The following OSBPL10 variants were observed in gnomAD, a reference collection of about 807,000 sequenced individuals.
The protein encoded by OSBPL10 is oxysterol binding protein like 10, also known as oxysterol-binding protein-related protein 10.
Under a neutral mutation model 81.7 loss-of-function variants are expected in OSBPL10, and 49 were observed. The observed-to-expected ratio is 0.60, with a 90% CI of 0.48 to 0.76. The LOEUF (loss-of-function observed/expected upper bound fraction) is 0.76. Among genes scored for constraint, OSBPL10 ranks in the 30% least tolerant of loss-of-function variants. The probability of loss-of-function intolerance (pLI) is 0.00; values close to 1 mark genes in which losing one functional copy is unlikely to be tolerated. For synonymous variants in OSBPL10, 419 were observed against 383.6 expected (o/e 1.09, Z -1.08); for missense variants, 923 against 987.8 (o/e 0.93, Z 0.88).
At chr3:31,895,731 G>T (rs1281764528) in intron 1 of OSBPL10, among the ~76,000 whole-genome samples, 3 of 152,136 alleles carry the variant, frequency 2.0e-5, no homozygotes, top group African/African-American at 7.2e-5. Context: ...AGTAACTGAG[G>T]ATACACTGGT....
intron 1 of OSBPL10, among the ~76,000 whole-genome samples, chr3:31,978,416 A>C (rs1304738026): frequency 6.6e-6 from 1 of 152,232 alleles, no homozygotes; most frequent in Non-Finnish European, 1.5e-5. Flanking sequence ...CTGTGAATAG[A>C]TAATTGAACA....
At chr3:31,770,534 C>T (rs1444650917) in intron 4 of OSBPL10, among the ~76,000 whole-genome samples, 1 of 152,168 alleles carries the variant, frequency 6.6e-6, no homozygotes, top group Non-Finnish European at 1.5e-5. Flanking sequence ...CGCCTATAAT[C>T]TCAACACTTT....
At chr3:32,041,820 G>A (rs940073155) in intron 2 of OSBPL10, among the ~76,000 whole-genome samples, 9 of 152,080 alleles carry the variant, frequency 5.9e-5, no homozygotes, top group African/African-American at 1.9e-4. Flanking sequence ...ACCACACCCA[G>A]CTAATTTTTT....
intron 3 of OSBPL10, among the ~76,000 whole-genome samples, chr3:31,854,781 G>A (rs963232408): frequency 3.3e-5 from 5 of 152,086 alleles, no homozygotes; most frequent in Non-Finnish European, 7.3e-5. Flanking sequence ...ATTATTATAC[G>A]AATAAATGAA....
At chr3:31,989,730 C>T (rs1321234540) in intron 2 of OSBPL10, 23 of 1,613,962 alleles carry the variant, frequency 1.4e-5, no homozygotes, top group Non-Finnish European at 1.9e-5. Flanking sequence ...CATCATTACT[C>T]ACACTAAAAC....
chr3:31,706,732 A>C (rs1227707514), intron 6 of OSBPL10, among the ~76,000 whole-genome samples: 1 of 152,260 alleles, frequency 6.6e-6, no homozygotes, highest in Non-Finnish European at 1.5e-5. Context: ...TGCAGATTTC[A>C]AGCATGACTG....
chr3:31,894,875 G>C (rs936540248), intron 1 of OSBPL10, among the ~76,000 whole-genome samples: 1 of 152,178 alleles, frequency 6.6e-6, no homozygotes, highest in African/African-American at 2.4e-5. Context: ...CTTTCACTTA[G>C]ATGTGATCAA....
Position 32,067,529 on chromosome 3 carries a change from G to A in OSBPL10, n.185+9867C>T, listed in dbSNP as rs186700444. ...CCTGTGACCTGCACATATACATCCA[G>A]ATGGCCTGAAGCAACTGAAGATCCA... On this transcript the variant is annotated intron_variant and non_coding_transcript_variant, in intron 1 of 3. Transcript: ENST00000479173. Among the ~76,000 whole-genome samples the A allele has an allele frequency of 1.2e-4, 19 of 152,296 alleles. No homozygotes were observed. In the East Asian group the frequency reaches 3.7e-3, roughly 29 times the overall value.
chr3:32,018,107 C>A (rs944877838), intron 2 of OSBPL10, among the ~76,000 whole-genome samples: 1 of 151,638 alleles, frequency 6.6e-6, no homozygotes, highest in East Asian at 1.9e-4. Flanking sequence ...CAGATGGTGC[C>A]ATTGCACTCC....
chr3:31,953,948 T>G (rs943375750), intron 1 of OSBPL10, among the ~76,000 whole-genome samples: 3 of 152,162 alleles, frequency 2.0e-5, no homozygotes, highest in African/African-American at 7.2e-5. Flanking sequence ...GTTCAGCAGC[T>G]TCAGTGCTGT....
Position 31,951,994 on chromosome 3 carries a change from T to G in OSBPL10, c.281+28905A>C, listed in dbSNP as rs1451912687. On this transcript the variant is annotated intron_variant, in intron 1 of 11. Transcript: ENST00000396556. ...TGCAACTCTTACAGAACTCCTACTA[T>G]AATCTGTGCCTTCCATGAGTGGTGG... is the stretch of plus-strand genomic sequence containing the variant. 1.3e-5 allele frequency among the ~76,000 whole-genome samples: 2 copies of G among 152,226 alleles called. 1 individual carries two copies. Among genetic ancestry groups the G allele is most frequent in the Non-Finnish European group, 2.9e-5 (2 of 68,042 alleles).
In OSBPL10 at chr3:31,876,531, AG is replaced by A; in HGVS notation, c.458-20del. 2 of 1,593,180 alleles carry A rather than the reference AG, an allele frequency of 1.3e-6. No individual in the cohort carries two copies. Among genetic ancestry groups the A allele is most frequent in the Non-Finnish European group, 1.7e-6 (2 of 1,161,004 alleles). On this transcript the variant is annotated intron_variant, in intron 2 of 11. Transcript: ENST00000396556. Reference sequence around the variant, plus strand: ...TCAGCAGCTAAAATAGAGAAAACAGAGAAAGAAATGATTGCAGAGATTGTTC... The same window carrying A: ...TCAGCAGCTAAAATAGAGAAAACAGAAAAGAAATGATTGCAGAGATTGTTC...
rs1471123456 is a variant in OSBPL10, at chr3:31,833,693, G to A, written c.538-3462C>T. Among the ~76,000 whole-genome samples, 8 of 132,974 alleles carry A rather than the reference G, an allele frequency of 6.0e-5. No homozygotes were observed. In the East Asian group the frequency reaches 1.2e-3, roughly 19 times the overall value. The allele number at this position is 132,974 out of a possible 152,430, so 87.2% of individuals were successfully genotyped here. A position where few individuals can be genotyped will look rare whatever the true frequency, so the allele number is the denominator to read the frequency against. On this transcript the variant is annotated intron_variant, in intron 3 of 11. Transcript: ENST00000396556. ...AATATCAAGATTGTAGGGAAAACAC[G>A]CACACGCACACGCACACACACACAC...
intron 4 of OSBPL10, among the ~76,000 whole-genome samples, chr3:31,774,162 C>CAA (rs550791243): frequency 0.18 from 14,630 of 81,142 alleles, 1,418 homozygotes; most frequent in African/African-American, 0.35. Flanking sequence ...AACTCCATCT[C>CAA]AAAAAAAAAA....
At chr3:32,014,134 C>G (rs982357249) in intron 2 of OSBPL10, among the ~76,000 whole-genome samples, 2 of 152,032 alleles carry the variant, frequency 1.3e-5, no homozygotes, top group African/African-American at 4.8e-5. Context: ...CTGGCAGACA[C>G]ACAACAAAAA....
intron 4 of OSBPL10, among the ~76,000 whole-genome samples, chr3:31,815,816 C>A (rs981541690): frequency 1.7e-4 from 26 of 152,206 alleles, no homozygotes; most frequent in African/African-American, 6.3e-4. Flanking sequence ...CAGCCAACGT[C>A]TCTCTGCAGC....
intron 1 of OSBPL10, among the ~76,000 whole-genome samples, chr3:31,926,129 G>A (rs1697066151): frequency 6.6e-6 from 1 of 152,144 alleles, no homozygotes; most frequent in Non-Finnish European, 1.5e-5. Context: ...TGAGGACAGG[G>A]ATGTTTCCTC....
intron 4 of OSBPL10, among the ~76,000 whole-genome samples, chr3:31,804,132 C>T (rs1699465969): frequency 6.6e-6 from 1 of 151,994 alleles, no homozygotes; most frequent in South Asian, 2.1e-4. Flanking sequence ...CTTTCATTTC[C>T]CTCATTATTC....
At chr3:31,996,925 C>G (rs1319767521) in intron 2 of OSBPL10, among the ~76,000 whole-genome samples, 1 of 152,078 alleles carries the variant, frequency 6.6e-6, no homozygotes, top group Non-Finnish European at 1.5e-5. Flanking sequence ...AAGCTTCTAC[C>G]CTTCTTCCCA....
Sources: allele counts gnomAD v4.1 joint callset (sites outside exome capture counted in the v4.1 genomes callset), GRCh38; gene constraint gnomAD v4.1.1; transcripts MANE v1.5; gene names NCBI Gene and HGNC (gene_info 2026-07-23, HGNC 2026-07-21).